ZNF790: variants seen among roughly 807,000 people sequenced by gnomAD.
ZNF790 encodes the protein zinc finger protein 790.
Under a neutral mutation model 12.1 loss-of-function variants are expected in ZNF790, and 8 were observed. That is an observed-to-expected ratio of 0.66 (90% confidence interval 0.39 to 1.19). ZNF790 has a LOEUF of 1.19. Among genes scored for constraint, ZNF790 ranks in the 50% most tolerant of loss-of-function variants. The probability of loss-of-function intolerance (pLI) is 0.01; values close to 1 mark genes in which losing one functional copy is unlikely to be tolerated. For synonymous variants in ZNF790, 252 were observed against 244.3 expected (o/e 1.03, Z -0.29); for missense variants, 707 against 752.2 (o/e 0.94, Z 0.70).
upstream of ZNF790, among the ~76,000 whole-genome samples, chr19:36,843,002 C>CAAAAAAAAA (rs59705640): frequency 1.5e-5 from 1 of 65,538 alleles, no homozygotes; most frequent in Non-Finnish European, 3.1e-5. Context: ...GACTCCATCT[C>CAAAAAAAAA]AAAAAAAAAA....
At position 36,819,318 on chromosome 19, in the gene ZNF790, C is replaced by T; in HGVS notation, c.1026G>A (p.Glu342=). Residue 342 remains glutamate (E), a synonymous_variant, in exon 5 of 5, where the codon GAG becomes GAA. Coordinates refer to ENST00000356725, the MANE Select transcript of ZNF790 (RefSeq NM_206894.4). ...HTGEKPYECK[E]CGKAFTRGSH... is the part of the protein sequence containing the mutation. ...ATCCACGAGTAAAAGCTTTCCCACA[C>T]TCCTTACATTCATAAGGTTTTTCAC... is the stretch of plus-strand genomic sequence containing the variant. 1.2e-6 allele frequency: 2 copies of T among 1,611,108 alleles called. No individual in the cohort carries two copies. The highest frequency in any genetic ancestry group is 1.7e-6 in the Non-Finnish European group (2 of 1,178,294).
chr19:36,820,231 A>C (rs1415008007), intron 4 of ZNF790, 117 bp from the exon 5 acceptor site: 6 of 1,098,712 alleles, frequency 5.5e-6, no homozygotes, highest in Non-Finnish European at 7.5e-6. Context: ...TGGCTTAGAA[A>C]ATTCTCAAAT....
At chr19:36,823,458 G>C in intron 3 of ZNF790, 78 bp from the exon 4 acceptor site, 1 of 1,421,238 alleles carries the variant, frequency 7.0e-7, no homozygotes, top group Admixed American at 2.0e-5. Flanking sequence ...TGGTTACTAA[G>C]GAAGAGAAAC....
At chr19:36,847,816 T>C (rs1471510500) in intron 1 of ZNF790, among the ~76,000 whole-genome samples, 4 of 150,870 alleles carry the variant, frequency 2.7e-5, no homozygotes, top group Non-Finnish European at 2.9e-5. Flanking sequence ...CCTACATAGA[T>C]GGAATTAGTG....
rs764548906 is a variant in ZNF790 at position 36,818,698 on chromosome 19, A to C, written c.1646T>G (p.Leu549Arg). The C allele has an allele frequency of 5.6e-6, 9 of 1,613,692 alleles. No individual in the cohort carries two copies. Among genetic ancestry groups the C allele is most frequent in the Non-Finnish European group, 7.6e-6 (9 of 1,179,896 alleles). ...CGKSFIWGSQ[L>R]TRHKKIHTDA... ...AGTATGAATTTTCTTATGTCGTGTA[A>C]GCTGTGAACCCCAGATAAAAGATTT... The change falls in exon 5 of 5, where the codon CTT becomes CGT. Residue 549 changes from leucine to arginine, a missense_variant. Transcript: ENST00000356725.
chr19:36,848,665 G>A (rs562260846), intron 1 of ZNF790, among the ~76,000 whole-genome samples: 6 of 152,234 alleles, frequency 3.9e-5, no homozygotes, highest in Non-Finnish European at 7.4e-5. Context: ...GTTGTATTTT[G>A]TTTTGTTTTA....
At position 36,826,582 on chromosome 19, in the gene ZNF790, A is replaced by C. The variant is rs1044740869; in HGVS notation, c.-73-890T>G. ...TGGCGACACAGCGAGACTCGGTCTC[A>C]AAAAAAAAAAATTATATATAGATAA... On this transcript the variant is annotated intron_variant, in intron 1 of 4. Coordinates refer to ENST00000356725, the MANE Select transcript of ZNF790 (RefSeq NM_206894.4). Among the ~76,000 whole-genome samples, 27 of 73,852 alleles carry C rather than the reference A, an allele frequency of 3.7e-4. No individual in the cohort carries two copies. In the East Asian group the frequency reaches 7.9e-3, roughly 22 times the overall value. 48.4% of individuals were successfully genotyped at this position (73,852 alleles called of 152,430 possible). A position where few individuals can be genotyped will look rare whatever the true frequency, so the allele number is the denominator to read the frequency against.
intron 1 of ZNF790, among the ~76,000 whole-genome samples, chr19:36,836,461 A>ACAC (rs1555716979): frequency 6.6e-6 from 1 of 151,802 alleles, no homozygotes; most frequent in Non-Finnish European, 1.5e-5. Flanking sequence ...CTAAAAAAAA[A>ACAC]ACACACACAC....
rs772891609 is a variant in ZNF790, at chr19:36,819,320, C to G, written c.1024G>C (p.Glu342Gln). Residue 342 changes from glutamate to glutamine, a missense_variant, in exon 5 of 5, where the codon GAG becomes CAG. By Grantham distance (29) the Glu-to-Gln change is conservative. Coordinates refer to ENST00000356725, the MANE Select transcript of ZNF790 (RefSeq NM_206894.4). ...HTGEKPYECK[E>Q]CGKAFTRGSH... is the part of the protein sequence containing the mutation. ...CCACGAGTAAAAGCTTTCCCACACTCCTTACATTCATAAGGTTTTTCACCA... is the reference window on the plus strand; with the variant it reads ...CCACGAGTAAAAGCTTTCCCACACTGCTTACATTCATAAGGTTTTTCACCA... The G allele has an allele frequency of 1.8e-5, 29 of 1,611,544 alleles. No homozygotes were observed. The highest frequency in any genetic ancestry group is 2.2e-5 in the Non-Finnish European group (26 of 1,178,632).
intron 4 of ZNF790, among the ~76,000 whole-genome samples, chr19:36,820,481 A>G (rs908556561): frequency 7.9e-5 from 12 of 152,372 alleles, no homozygotes; most frequent in Non-Finnish European, 1.6e-4. Flanking sequence ...ATGCTGGGAA[A>G]TAGCAGAATA....
rs548556810 is a variant in ZNF790, at chr19:36,845,349, G to A, written c.-74+4653C>T. 1.9e-3 allele frequency among the ~76,000 whole-genome samples: 294 copies of A among 151,604 alleles called. 3 individuals are homozygous for A. The highest frequency in any genetic ancestry group is 6.6e-3 in the African/African-American group (273 of 41,344). ...GAGGATCACTTGAGCCTGGGAGGTC[G>A]AGGCTGCAGTGAGCCATGATCATGC... is the stretch of plus-strand genomic sequence containing the variant. On this transcript the variant is annotated intron_variant, in intron 1 of 4. Transcript: ENST00000528994.
chr19:36,826,957 C>G (rs1439016709), intron 1 of ZNF790, among the ~76,000 whole-genome samples: 1 of 150,314 alleles, frequency 6.7e-6, no homozygotes, highest in East Asian at 2.0e-4. Flanking sequence ...GGTAAACAAC[C>G]TTTATCCCAC....
intron 1 of ZNF790, among the ~76,000 whole-genome samples, chr19:36,827,117 T>TACACACACACACAC (rs760453936): frequency 0.018 from 1,087 of 60,310 alleles, 31 homozygotes; most frequent in Non-Finnish European, 0.022. Flanking sequence ...TATATACACA[T>TACACACACACACAC]ACACACACAC....
chr19:36,844,338 A>C (rs79718335), intron 1 of ZNF790, among the ~76,000 whole-genome samples: 6,198 of 151,832 alleles, frequency 0.041, 180 homozygotes, highest in Middle Eastern at 0.058. Flanking sequence ...AAAAACAAAA[A>C]AAAAAAAACC....
chr19:36,831,139 AAAC>A (rs72531460), intron 1 of ZNF790, among the ~76,000 whole-genome samples: 116,467 of 150,860 alleles, frequency 0.77, 45,660 homozygotes, highest in African/African-American at 0.85. Flanking sequence ...CTCCATCTCA[AAAC>A]AACAACAACA....
rs144986787 is a variant in ZNF790 at position 36,818,856 on chromosome 19, G to A, written c.1488C>T (p.His496=). ...GCCTCTTTCCAGTATGAATTTTCTG[G>A]TGTCGATTAAGTTCTGAACCACGAA... is the stretch of plus-strand genomic sequence containing the variant. ...TFFRGSELNR[H]QKIHTGKRPY... The change falls in exon 5 of 5, where the codon CAC becomes CAT. Residue 496 remains histidine, a synonymous_variant. Coordinates refer to ENST00000356725, the MANE Select transcript of ZNF790 (RefSeq NM_206894.4). The A allele has an allele frequency of 5.6e-6, 9 of 1,612,986 alleles. No individual in the cohort carries two copies. The East Asian group carries it at 2.0e-4, about 36-fold the overall frequency.
chr19:36,818,843 T>C lies in ZNF790; in HGVS notation c.1501A>G (p.Thr501Ala). The change falls in exon 5 of 5, where the codon ACT becomes GCT. Residue 501 changes from threonine (T) to alanine (A), a missense_variant. Transcript: ENST00000356725. ...SELNRHQKIH[T>A]GKRPYECEEC... ...TCACATTCATATGGCCTCTTTCCAG[T>C]ATGAATTTTCTGGTGTCGATTAAGT... 6 of 1,613,660 alleles carry C rather than the reference T, an allele frequency of 3.7e-6. No individual in the cohort carries two copies. Among genetic ancestry groups the C allele is most frequent in the Non-Finnish European group, 5.1e-6 (6 of 1,179,866 alleles).
chr19:36,827,141 C>CACACACACACACACATATATATATATAT (rs1313807327), intron 1 of ZNF790, among the ~76,000 whole-genome samples: 1 of 84,440 alleles, frequency 1.2e-5, no homozygotes, highest in African/African-American at 5.5e-5. Context: ...CACACACACA[C>CACACACACACACACATATATATATATAT]ATATATATAT....
intron 3 of ZNF790, 56 bp downstream of exon 3, chr19:36,823,611 T>C: frequency 1.3e-6 from 2 of 1,578,862 alleles, no homozygotes; most frequent in Non-Finnish European, 1.7e-6. Flanking sequence ...TAAAAGACAA[T>C]AAAAAAAATC....
Sources: gnomAD v4.1 joint callset for allele counts (sites outside exome capture counted in the v4.1 genomes callset) on GRCh38, gnomAD v4.1.1 for gene constraint, MANE v1.5 for transcripts, NCBI Gene and HGNC (gene_info 2026-07-23, HGNC 2026-07-21) for gene names.